The following DHRSX variants were observed in gnomAD, a reference collection of about 807,000 sequenced individuals.
DHRSX encodes the protein polyprenol dehydrogenase.
DHRSX carries 31 observed loss-of-function variants against 34.0 expected under a neutral mutation model. The ratio of observed to expected loss-of-function variants is 0.91; its 90% CI spans 0.69 to 1.23. The LOEUF (loss-of-function observed/expected upper bound fraction) is 1.23. Ranked by LOEUF, DHRSX falls within the 50% of genes most tolerant of loss-of-function variation. The pLI is 0.00. For missense variants in DHRSX, 414 were observed against 428.1 expected (o/e 0.97, Z 0.29); for synonymous variants, 201 against 183.8 (o/e 1.09, Z -0.76).
At chrX:2,323,625 T>G (rs1402380621) in intron 3 of DHRSX, among the ~76,000 whole-genome samples, 1 of 151,958 alleles carries the variant, frequency 6.6e-6, no homozygotes, top group African/African-American at 2.4e-5. Context: ...TATACATAGC[T>G]GGGAATGATG....
intron 4 of DHRSX, among the ~76,000 whole-genome samples, chrX:2,276,287 A>T (rs1240502094): frequency 1.3e-5 from 2 of 152,188 alleles, no homozygotes; most frequent in Non-Finnish European, 2.9e-5. Context: ...TTTTGTAAGG[A>T]ATAAGAAAAC....
chrX:2,422,612 TATG>T (rs2043795062), intron 2 of DHRSX, among the ~76,000 whole-genome samples: 1 of 151,992 alleles, frequency 6.6e-6, no homozygotes, highest in African/African-American at 2.4e-5. Context: ...AGACCTACAG[TATG>T]ATGTTTATAA....
At chrX:2,243,444 T>C (rs1337551835) in intron 5 of DHRSX, among the ~76,000 whole-genome samples, 4 of 152,184 alleles carry the variant, frequency 2.6e-5, no homozygotes, top group Admixed American at 2.6e-4. Flanking sequence ...CTTAATTGTA[T>C]TGGGGTCAGA....
At chrX:2,324,941 G>GT (rs1456014743) in intron 3 of DHRSX, among the ~76,000 whole-genome samples, 14 of 67,578 alleles carry the variant, frequency 2.1e-4, no homozygotes, top group Non-Finnish European at 2.5e-4. Flanking sequence ...GCTAATTTTT[G>GT]TTTTGTTTTT....
chrX:2,314,412 GGGAA>G (rs375673942), intron 3 of DHRSX, among the ~76,000 whole-genome samples: 20 of 107,924 alleles, frequency 1.9e-4, no homozygotes, highest in Middle Eastern at 5.2e-3. Context: ...AAAGAAGGGA[GGGAA>G]GGAAGGAAGG....
At chrX:2,405,447 T>C (rs28553279) in intron 3 of DHRSX, among the ~76,000 whole-genome samples, 88,070 of 151,134 alleles carry the variant, frequency 0.58, 26,997 homozygotes, top group African/African-American at 0.79. Context: ...GAGATCACAT[T>C]GCTGCACTCC....
At chrX:2,295,351 C>CA (rs2041919400) in intron 3 of DHRSX, among the ~76,000 whole-genome samples, 1 of 152,190 alleles carries the variant, frequency 6.6e-6, no homozygotes, top group African/African-American at 2.4e-5. Context: ...TGCATGTTCT[C>CA]ACTCATCAGT....
intron 3 of DHRSX, among the ~76,000 whole-genome samples, chrX:2,346,218 T>C (rs1291165819): frequency 6.9e-6 from 1 of 144,952 alleles, no homozygotes; most frequent in East Asian, 2.1e-4. Context: ...CTCCATGGCA[T>C]CTGGACACGC....
intron 1 of DHRSX, among the ~76,000 whole-genome samples, chrX:2,448,586 AT>A (rs1569502507): frequency 6.6e-6 from 1 of 151,860 alleles, no homozygotes; most frequent in Non-Finnish European, 1.5e-5. Flanking sequence ...TATTAGCTTG[AT>A]TATTAATATG....
intron 1 of DHRSX, among the ~76,000 whole-genome samples, chrX:2,472,807 A>G (rs2044613396): frequency 6.6e-6 from 1 of 152,094 alleles, no homozygotes; most frequent in Admixed American, 6.5e-5. Context: ...ATGTGCTGCT[A>G]TTGGGAATAT....
intron 1 of DHRSX, among the ~76,000 whole-genome samples, chrX:2,483,340 T>C (rs1029093121): frequency 6.6e-6 from 1 of 152,158 alleles, no homozygotes; most frequent in Non-Finnish European, 1.5e-5. Flanking sequence ...CACAGCTCAC[T>C]GCAGCCTCCA....
chrX:2,392,432 C>A, intron 3 of DHRSX: 1 of 302,050 alleles, frequency 3.3e-6, no homozygotes. Context: ...GCTTGAGTTC[C>A]AGAGGCAAAG....
intron 1 of DHRSX, among the ~76,000 whole-genome samples, chrX:2,434,893 G>C (rs1251105310): frequency 6.6e-6 from 1 of 152,124 alleles, no homozygotes; most frequent in Non-Finnish European, 1.5e-5. Context: ...ATTGTTCTTA[G>C]CAACAACTTG....
At chrX:2,381,910 G>A (rs1393849164) in intron 3 of DHRSX, among the ~76,000 whole-genome samples, 1 of 151,520 alleles carries the variant, frequency 6.6e-6, no homozygotes, top group Non-Finnish European at 1.5e-5. Context: ...GCCTAGATGT[G>A]CAAATCTGCA....
At chrX:2,294,764 GAA>G (rs1467975165) in intron 3 of DHRSX, among the ~76,000 whole-genome samples, 11 of 150,262 alleles carry the variant, frequency 7.3e-5, no homozygotes, top group Non-Finnish European at 1.2e-4. Context: ...GAGAGACAGA[GAA>G]AGAGAGAGAG....
chrX:2,452,470 C>G (rs946098181), intron 1 of DHRSX, among the ~76,000 whole-genome samples: 1 of 151,946 alleles, frequency 6.6e-6, no homozygotes, highest in Admixed American at 6.6e-5. Flanking sequence ...CCGCCATGTA[C>G]ACACTGAAGA....
At chrX:2,328,270 C>T (rs78645245) in intron 3 of DHRSX, among the ~76,000 whole-genome samples, 63,926 of 151,016 alleles carry the variant, frequency 0.42, 15,003 homozygotes, top group Non-Finnish European at 0.54. Context: ...TACAAGCCAC[C>T]CAGTCTATGG....
intron 1 of DHRSX, among the ~76,000 whole-genome samples, chrX:2,448,367 A>C (rs1287416554): frequency 1.3e-5 from 2 of 151,068 alleles, no homozygotes; most frequent in African/African-American, 4.8e-5. Flanking sequence ...AAATTTTTTC[A>C]GTTACATAAA....
chrX:2,490,823 G>A (rs965350768), intron 1 of DHRSX: 15 of 1,484,638 alleles, frequency 1.0e-5, no homozygotes, highest in South Asian at 5.3e-5. Context: ...AGGCACGCAC[G>A]GGAGCCCTGC....
Sources: allele counts gnomAD v4.1 joint callset (sites outside exome capture counted in the v4.1 genomes callset), GRCh38; gene constraint gnomAD v4.1.1; transcripts MANE v1.5; gene names NCBI Gene and HGNC (gene_info 2026-07-23, HGNC 2026-07-21).